Variants in KHDRBS2 observed in about 807,000 individuals in gnomAD.
The protein encoded by KHDRBS2 is KH RNA binding domain containing, signal transduction associated 2.
KHDRBS2 carries 26 observed loss-of-function variants against 44.3 expected under a neutral mutation model. The ratio of observed to expected loss-of-function variants is 0.59; its 90% CI spans 0.43 to 0.81. The LOEUF is 0.81. KHDRBS2 is among the 40% of genes least tolerant of loss of function. KHDRBS2 has a pLI of 0.00. For synonymous variants in KHDRBS2, 194 were observed against 151.1 expected, an observed-to-expected ratio of 1.28 and a Z score of -2.08; for missense variants, 476 against 433.1, an observed-to-expected ratio of 1.10 and a Z score of -0.88.
chr6:61,554,008 T>C, the KHDRBS2 span, among the ~76,000 whole-genome samples: 1 of 152,200 alleles, frequency 6.6e-6, no homozygotes, highest in Non-Finnish European at 1.5e-5. Flanking sequence ...TGTAGATGTC[T>C]CTTAGGTCTA....
At chr6:61,543,771 A>T in the KHDRBS2 span, among the ~76,000 whole-genome samples, 1 of 152,122 alleles carries the variant, frequency 6.6e-6, no homozygotes, top group East Asian at 1.9e-4. Flanking sequence ...ATTCAGCTAT[A>T]AGAAAGCATG....
At chr6:61,806,836 A>C (rs1212845663) in intron 6 of KHDRBS2, among the ~76,000 whole-genome samples, 2 of 152,150 alleles carry the variant, frequency 1.3e-5, no homozygotes, top group Non-Finnish European at 2.9e-5. Flanking sequence ...TAATTAAATA[A>C]AAATTGTATA....
At chr6:61,920,122 T>C (rs548854278) in intron 4 of KHDRBS2, among the ~76,000 whole-genome samples, 15 of 152,102 alleles carry the variant, frequency 9.9e-5, no homozygotes, top group African/African-American at 3.4e-4. Context: ...ATGCCAATTT[T>C]CAGAAATTAA....
At chr6:61,737,925 T>C (rs1339638352) in intron 6 of KHDRBS2, among the ~76,000 whole-genome samples, 3 of 151,962 alleles carry the variant, frequency 2.0e-5, no homozygotes, top group Admixed American at 2.0e-4. Context: ...AAATATGCAT[T>C]GTGCTGATGA....
the KHDRBS2 span, among the ~76,000 whole-genome samples, chr6:61,570,052 C>T: frequency 4.6e-5 from 7 of 152,112 alleles, no homozygotes; most frequent in East Asian, 3.9e-4. Flanking sequence ...ACTAGATCTT[C>T]AGCAATGGTT....
At chr6:62,229,155 A>G (rs1229844930) in intron 1 of KHDRBS2, among the ~76,000 whole-genome samples, 5 of 151,990 alleles carry the variant, frequency 3.3e-5, no homozygotes, top group Admixed American at 3.3e-4. Context: ...CCCCTTCCCT[A>G]GGGGCTTATG....
At chr6:61,959,716 G>A (rs987280569) in intron 4 of KHDRBS2, among the ~76,000 whole-genome samples, 5 of 152,054 alleles carry the variant, frequency 3.3e-5, no homozygotes, top group Admixed American at 6.6e-5. Context: ...TTAAGTTATG[G>A]GTTAGGTAGA....
intron 6 of KHDRBS2, among the ~76,000 whole-genome samples, chr6:61,832,089 C>A (rs1462872119): frequency 6.6e-6 from 1 of 151,994 alleles, no homozygotes; most frequent in South Asian, 2.1e-4. Context: ...AATAAATTTG[C>A]CAAGTGTGCT....
chr6:61,774,601 T>G (rs536998635), intron 6 of KHDRBS2, among the ~76,000 whole-genome samples: 1 of 152,134 alleles, frequency 6.6e-6, no homozygotes, highest in Admixed American at 6.6e-5. Context: ...GACGAGAAGT[T>G]GAATCTCTGA....
At chr6:61,674,053 G>T in the KHDRBS2 span, among the ~76,000 whole-genome samples, 1 of 151,814 alleles carries the variant, frequency 6.6e-6, no homozygotes, top group East Asian at 2.0e-4. Context: ...TTGCTTTCAT[G>T]CTTATTTAAT....
chr6:61,584,739 T>C, the KHDRBS2 span, among the ~76,000 whole-genome samples: 2 of 152,028 alleles, frequency 1.3e-5, no homozygotes, highest in Non-Finnish European at 2.9e-5. Context: ...ATACCTCCTC[T>C]AGGCTTATTT....
chr6:62,054,885 C>A (rs539234263), intron 2 of KHDRBS2, among the ~76,000 whole-genome samples: 8 of 151,912 alleles, frequency 5.3e-5, no homozygotes, highest in African/African-American at 1.9e-4. Flanking sequence ...GTTATAGAAG[C>A]GATAGGAAAC....
chr6:62,064,095 G>A (rs1286214687), intron 2 of KHDRBS2, among the ~76,000 whole-genome samples: 3 of 91,494 alleles, frequency 3.3e-5, no homozygotes, highest in African/African-American at 3.3e-5. Context: ...ACCTCTTCAA[G>A]GAGAACTACA....
At chr6:62,171,722 C>T (rs1820051066) in intron 2 of KHDRBS2, among the ~76,000 whole-genome samples, 1 of 152,176 alleles carries the variant, frequency 6.6e-6, no homozygotes, top group Non-Finnish European at 1.5e-5. Context: ...TGGCTAACAA[C>T]AGTCCTATCA....
intron 7 of KHDRBS2, among the ~76,000 whole-genome samples, chr6:61,713,337 A>C (rs1286155627): frequency 6.6e-6 from 1 of 151,710 alleles, no homozygotes; most frequent in East Asian, 1.9e-4. Context: ...TTCTAATTAT[A>C]AAAAATAAAT....
At chr6:61,579,675 A>G in the KHDRBS2 span, among the ~76,000 whole-genome samples, 1 of 152,184 alleles carries the variant, frequency 6.6e-6, no homozygotes, top group Non-Finnish European at 1.5e-5. Flanking sequence ...CTGAGTTATG[A>G]GAATTTGGCT....
the KHDRBS2 span, among the ~76,000 whole-genome samples, chr6:61,646,264 C>A: frequency 2.6e-5 from 4 of 152,130 alleles, 1 homozygote; most frequent in South Asian, 8.3e-4. Flanking sequence ...TGAGCACACA[C>A]TGCTATAAAC....
At chr6:62,121,266 A>C (rs1807565825) in intron 2 of KHDRBS2, among the ~76,000 whole-genome samples, 1 of 152,180 alleles carries the variant, frequency 6.6e-6, no homozygotes. Flanking sequence ...TCTACTTAGA[A>C]AAAATAGTAA....
the KHDRBS2 span, among the ~76,000 whole-genome samples, chr6:61,583,145 A>G: frequency 1.3e-5 from 2 of 151,814 alleles, no homozygotes; most frequent in East Asian, 1.9e-4. Flanking sequence ...CCCTTTTTCA[A>G]TGAACTGATA....
Sources: allele counts gnomAD v4.1 joint callset (sites outside exome capture counted in the v4.1 genomes callset), GRCh38; gene constraint gnomAD v4.1.1; transcripts MANE v1.5; gene names NCBI Gene and HGNC (gene_info 2026-07-23, HGNC 2026-07-21).